VWA3B: variants seen among roughly 807,000 people sequenced by gnomAD.
VWA3B encodes von Willebrand factor A domain-containing protein 3B.
A neutral mutation model predicts 158.3 loss-of-function variants in VWA3B; 138 were observed. That is an observed-to-expected ratio of 0.87 (90% confidence interval 0.76 to 1.00). The LOEUF (loss-of-function observed/expected upper bound fraction) is 1.00, where lower values mean the gene tolerates loss of function less well. VWA3B is among the 50% of genes least tolerant of loss of function. The pLI is 0.00. For synonymous variants in VWA3B, 596 were observed against 587.3 expected, an observed-to-expected ratio of 1.01 and a Z score of -0.21; for missense variants, 1,555 against 1,565.1, an observed-to-expected ratio of 0.99 and a Z score of 0.11.
At chr2:98,087,774 C>G (rs1161243198) in intron 1 of VWA3B, among the ~76,000 whole-genome samples, 1 of 152,190 alleles carries the variant, frequency 6.6e-6, no homozygotes, top group African/African-American at 2.4e-5. Flanking sequence ...TATGTATAGT[C>G]TAAAAGCCAA....
At chr2:98,329,004 GA>G in the VWA3B span, among the ~76,000 whole-genome samples, 1 of 152,112 alleles carries the variant, frequency 6.6e-6, no homozygotes, top group African/African-American at 2.4e-5. Flanking sequence ...TCAACTGAAT[GA>G]AAAATAGTCC....
rs1682027471 is a variant in VWA3B at position 98,088,514 on chromosome 2, CT to C, written c.-33+1153del. Among the ~76,000 whole-genome samples, 3 of 152,264 alleles carry C rather than the reference CT, an allele frequency of 2.0e-5. No homozygotes were observed. In the South Asian group the frequency reaches 6.2e-4, roughly 32 times the overall value. ...CCCACATTTTCAGCTCAGACTTTCA[CT>C]TCCTTGTTTTTCCTTTTACACTTCC... is the stretch of plus-strand genomic sequence containing the variant. On this transcript the variant is annotated intron_variant, in intron 1 of 27. Transcript: ENST00000477737.
At chr2:98,175,863 C>T (rs1221619432) in intron 8 of VWA3B, among the ~76,000 whole-genome samples, 1 of 152,206 alleles carries the variant, frequency 6.6e-6, no homozygotes, top group African/African-American at 2.4e-5. Context: ...TTACCATCCT[C>T]CATCTCCTTC....
intron 19 of VWA3B, among the ~76,000 whole-genome samples, chr2:98,242,920 G>T (rs1454247122): frequency 6.6e-6 from 1 of 151,566 alleles, no homozygotes; most frequent in East Asian, 1.9e-4. Flanking sequence ...ACTGTACACT[G>T]ATAGAAAAGC....
chr2:98,199,061 TG>T (rs1312576046), intron 12 of VWA3B, among the ~76,000 whole-genome samples: 5 of 147,298 alleles, frequency 3.4e-5, no homozygotes, highest in Non-Finnish European at 7.4e-5. Context: ...CACTCCATCC[TG>T]GGCGACAGCG....
chr2:98,197,060 C>G (rs1277030638), intron 12 of VWA3B, among the ~76,000 whole-genome samples: 1 of 152,186 alleles, frequency 6.6e-6, no homozygotes, highest in African/African-American at 2.4e-5. Flanking sequence ...AAGATCCAGC[C>G]AAGGATCTCA....
At chr2:98,106,724 G>C (rs987988589) in intron 2 of VWA3B, among the ~76,000 whole-genome samples, 1 of 152,012 alleles carries the variant, frequency 6.6e-6, no homozygotes, top group East Asian at 1.9e-4. Context: ...ACTGACTTTT[G>C]CATGTTAACC....
At position 98,256,073 on chromosome 2, in the gene VWA3B, A is replaced by T. The variant is rs369970831; in HGVS notation, c.2793-51A>T. 788 of 1,607,128 alleles carry T rather than the reference A, an allele frequency of 4.9e-4. 2 individuals are homozygous for T. In the Middle Eastern group the frequency reaches 0.01, roughly 21 times the overall value. On this transcript the variant is annotated intron_variant, in intron 20 of 27. Transcript: ENST00000477737. ...CGGTGCCTGGGGTTAACCTTTTGCC[A>T]TGAAATGAAGTACTGCTACAAAATT... is the stretch of plus-strand genomic sequence containing the variant.
At chr2:98,239,061 G>C (rs930646623) in intron 19 of VWA3B, among the ~76,000 whole-genome samples, 1 of 152,174 alleles carries the variant, frequency 6.6e-6, no homozygotes, top group Non-Finnish European at 1.5e-5. Context: ...ATGACAGGGT[G>C]GGATGGACAC....
chr2:98,101,704 A>G (rs1441477854), intron 2 of VWA3B, among the ~76,000 whole-genome samples: 1 of 152,006 alleles, frequency 6.6e-6, no homozygotes, highest in African/African-American at 2.4e-5. Context: ...TTACATATAC[A>G]TCCTTTCACA....
At chr2:98,302,371 C>G (rs1368943652) in intron 25 of VWA3B, among the ~76,000 whole-genome samples, 1 of 152,166 alleles carries the variant, frequency 6.6e-6, no homozygotes, top group Non-Finnish European at 1.5e-5. Flanking sequence ...TTTGTCCCTC[C>G]CAGCACAGTC....
chr2:98,226,710 C>T (rs1026677164), intron 14 of VWA3B, among the ~76,000 whole-genome samples: 2 of 150,716 alleles, frequency 1.3e-5, no homozygotes, highest in African/African-American at 4.8e-5. Flanking sequence ...ATGAAGAACT[C>T]TTAAAACTTA....
At chr2:98,225,286 A>G (rs1308692397) in intron 14 of VWA3B, among the ~76,000 whole-genome samples, 2 of 152,226 alleles carry the variant, frequency 1.3e-5, no homozygotes, top group Non-Finnish European at 2.9e-5. Context: ...GAAATTTGTA[A>G]TTGATTGTTT....
chr2:98,282,989 C>T (rs1269023625), intron 22 of VWA3B, among the ~76,000 whole-genome samples: 1 of 152,042 alleles, frequency 6.6e-6, no homozygotes, highest in Non-Finnish European at 1.5e-5. Context: ...TGAGTGATAA[C>T]TATAGAAAAA....
At chr2:98,278,917 T>A (rs1688699640) in intron 22 of VWA3B, among the ~76,000 whole-genome samples, 1 of 152,144 alleles carries the variant, frequency 6.6e-6, no homozygotes, top group South Asian at 2.1e-4. Context: ...TTAACAAGTC[T>A]GGGGTGTGCA....
At chr2:98,326,995 GAA>G in the VWA3B span, among the ~76,000 whole-genome samples, 3 of 135,854 alleles carry the variant, frequency 2.2e-5, no homozygotes, top group Non-Finnish European at 3.2e-5. Context: ...TGAGTCACTT[GAA>G]AAAAAAAAAA....
At chr2:98,249,808 AAAAC>A (rs1308219971) in intron 19 of VWA3B, among the ~76,000 whole-genome samples, 8 of 152,314 alleles carry the variant, frequency 5.3e-5, no homozygotes, top group South Asian at 2.1e-4. Flanking sequence ...CTCCATCTCA[AAAAC>A]AAACAAACAA....
chr2:98,140,358 T>C (rs1290913050), intron 7 of VWA3B, among the ~76,000 whole-genome samples: 1 of 152,222 alleles, frequency 6.6e-6, no homozygotes, highest in Non-Finnish European at 1.5e-5. Context: ...ATCTTTGGCT[T>C]GGATTTACAG....
intron 7 of VWA3B, among the ~76,000 whole-genome samples, chr2:98,139,238 C>T (rs965299882): frequency 9.2e-5 from 14 of 152,374 alleles, no homozygotes; most frequent in Middle Eastern, 3.4e-3. Flanking sequence ...GCTGCCTTCC[C>T]GCGGGGCAGG....
Sources: allele counts gnomAD v4.1 joint callset (sites outside exome capture counted in the v4.1 genomes callset), GRCh38; gene constraint gnomAD v4.1.1; transcripts MANE v1.5; gene names NCBI Gene and HGNC (gene_info 2026-07-23, HGNC 2026-07-21).